ABHD5: variants seen among roughly 807,000 people sequenced by gnomAD.
ABHD5 encodes the protein abhydrolase domain containing 5, lysophosphatidic acid acyltransferase.
Under a neutral mutation model 44.9 loss-of-function variants are expected in ABHD5, and 30 were observed. The ratio of observed to expected loss-of-function variants is 0.67; its 90% CI spans 0.50 to 0.91. The LOEUF (loss-of-function observed/expected upper bound fraction) is 0.91, where lower values mean the gene tolerates loss of function less well. Ranked by LOEUF, ABHD5 falls within the 40% of genes least tolerant of loss-of-function variation. The probability of loss-of-function intolerance (pLI) is 0.00; values close to 1 mark genes in which losing one functional copy is unlikely to be tolerated. For missense variants in ABHD5, 399 were observed against 423.4 expected (o/e 0.94, Z 0.50); for synonymous variants, 167 against 147.0 (o/e 1.14, Z -0.99).
chr3:43,690,951 G>T lies in ABHD5; in HGVS notation c.-42G>T. 6.5e-7 allele frequency: 1 copy of T among 1,547,530 alleles called. No homozygotes were observed. On this transcript the variant is annotated 5_prime_UTR_variant, in exon 1 of 7. Transcript: ENST00000644371. Reference sequence around the variant, plus strand: ...CCGGGGCGGCCCAGTCGGCCTGTCAGCCGGCTTCGAGATAAGTCCCGGCGC... The same window carrying T: ...CCGGGGCGGCCCAGTCGGCCTGTCATCCGGCTTCGAGATAAGTCCCGGCGC...
chr3:43,730,939 C>T (rs2084908948), intron 7 of ABHD5, among the ~76,000 whole-genome samples: 1 of 152,180 alleles, frequency 6.6e-6, no homozygotes, highest in South Asian at 2.1e-4. Flanking sequence ...AGCAATTCTC[C>T]TGCCTTAGCC....
chr3:43,706,107 G>T (rs1212453088), intron 3 of ABHD5, among the ~76,000 whole-genome samples: 2 of 152,174 alleles, frequency 1.3e-5, no homozygotes, highest in Non-Finnish European at 2.9e-5. Flanking sequence ...AGATGGGGTG[G>T]TTGTCAGGGT....
intron 3 of ABHD5, among the ~76,000 whole-genome samples, chr3:43,708,898 G>A (rs1012635108): frequency 4.6e-5 from 7 of 151,942 alleles, no homozygotes; most frequent in Non-Finnish European, 8.8e-5. Context: ...TTTTGTGGCC[G>A]GTATTCAATG....
rs1575608056 is a variant in ABHD5, at chr3:43,719,219, C to G, written c.*687C>G. ...ATAACAACATAACTCCTTGGAACCT[C>G]CTATGTGTGGTATAATTCTACTCTT... On this transcript the variant is annotated 3_prime_UTR_variant, in exon 7 of 7. Coordinates refer to ENST00000644371, the MANE Select transcript of ABHD5 (RefSeq NM_016006.6). 1 of 152,342 alleles carries G rather than the reference C, an allele frequency of 6.6e-6. No individual in the cohort carries two copies. The highest frequency in any genetic ancestry group is 1.9e-4 in the East Asian group (1 of 5,208). 9.4% of individuals were successfully genotyped at this position (152,342 alleles called of 1,614,324 possible). A position where few individuals can be genotyped will look rare whatever the true frequency, so the allele number is the denominator to read the frequency against.
chr3:43,717,831 C>A lies in ABHD5; in HGVS notation c.934C>A (p.Arg312=), dbSNP rs761087968. The change falls in exon 6 of 7, where the codon CGA becomes AGA. Residue 312 remains arginine (R), a synonymous_variant. Transcript: ENST00000644371. ...TTCTGGCACCAGCATCCAGTCCTTA[C>A]GACCACATTCATATGTGAAGACAAT... ...GNSGTSIQSL[R]PHSYVKTIAI... is the part of the protein sequence containing the mutation. The A allele has an allele frequency of 6.2e-7, 1 of 1,614,224 alleles. No individual in the cohort carries two copies. The highest frequency in any genetic ancestry group is 8.5e-7 in the Non-Finnish European group (1 of 1,180,042).
chr3:43,693,621 T>C (rs1268117478), intron 1 of ABHD5, among the ~76,000 whole-genome samples: 1 of 152,146 alleles, frequency 6.6e-6, no homozygotes, highest in African/African-American at 2.4e-5. Flanking sequence ...CTTGGGTCCT[T>C]TTTGGTGTTT....
chr3:43,714,584 T>C lies in ABHD5; in HGVS notation c.662-363T>C, dbSNP rs535118997. On this transcript the variant is annotated intron_variant, in intron 4 of 6. Transcript: ENST00000644371. ...ACTTCATTTAGAAGTTAATGTGTTA[T>C]AATTATGGAAGAAATACAAGTTATT... is the stretch of plus-strand genomic sequence containing the variant. Among the ~76,000 whole-genome samples, 7 of 152,242 alleles carry C rather than the reference T, an allele frequency of 4.6e-5. No homozygotes were observed. In the South Asian group the frequency reaches 1.4e-3, roughly 32 times the overall value.
intron 4 of ABHD5, among the ~76,000 whole-genome samples, chr3:43,713,266 C>T (rs933265616): frequency 2.1e-5 from 3 of 142,352 alleles, no homozygotes; most frequent in Non-Finnish European, 4.5e-5. Context: ...GAGGTTGTGG[C>T]GAGCCAAGAT....
chr3:43,695,868 G>A (rs1235137692), intron 1 of ABHD5, among the ~76,000 whole-genome samples: 2 of 152,144 alleles, frequency 1.3e-5, no homozygotes, highest in Admixed American at 1.3e-4. Context: ...ATCTTACTTG[G>A]CTTTCCTTAG....
intron 3 of ABHD5, among the ~76,000 whole-genome samples, chr3:43,705,691 C>CT (rs2084609799): frequency 6.6e-6 from 1 of 152,178 alleles, no homozygotes; most frequent in Non-Finnish European, 1.5e-5. Context: ...TTCTCCCTAG[C>CT]TTTTTTCCTT....
At chr3:43,717,640 A>G (rs1288037749) in intron 5 of ABHD5, 31 bp from the exon 6 acceptor site, 2 of 1,612,464 alleles carry the variant, frequency 1.2e-6, no homozygotes, top group South Asian at 1.1e-5. Flanking sequence ...CCCAAAAATC[A>G]TACATCGTGA....
At chr3:43,698,278 A>C (rs553947904) in intron 1 of ABHD5, among the ~76,000 whole-genome samples, 1 of 152,258 alleles carries the variant, frequency 6.6e-6, no homozygotes, top group Non-Finnish European at 1.5e-5. Context: ...CTTTGACTAC[A>C]TCTTCTTGTC....
chr3:43,713,014 A>G (rs575859165), intron 4 of ABHD5, among the ~76,000 whole-genome samples: 68 of 152,140 alleles, frequency 4.5e-4, no homozygotes, highest in Non-Finnish European at 9.4e-4. Flanking sequence ...CCTAATTGAT[A>G]CTATAGAAAA....
rs372841031 is a variant in ABHD5 at position 43,691,044 on chromosome 3, G to A, written c.47+5G>A. The A allele has an allele frequency of 2.0e-5, 31 of 1,553,398 alleles. No homozygotes were observed. Among genetic ancestry groups the A allele is most frequent in the South Asian group, 1.4e-4 (12 of 85,240 alleles). On this transcript the variant is annotated splice_donor_5th_base_variant and intron_variant, in intron 1 of 6. Transcript: ENST00000644371. ...CTCTGCCGACACCGGAGAGAGGTAA[G>A]CGCAGCCGGCAGGGGGCTTCGTGTG... is the stretch of plus-strand genomic sequence containing the variant.
At chr3:43,731,497 G>A (rs1020846409) in intron 7 of ABHD5, among the ~76,000 whole-genome samples, 23 of 152,246 alleles carry the variant, frequency 1.5e-4, no homozygotes, top group African/African-American at 5.3e-4. Context: ...AATTTTGGGG[G>A]CCCAATGCAT....
chr3:43,713,449 A>G (rs1377628091), intron 4 of ABHD5, among the ~76,000 whole-genome samples: 1 of 152,024 alleles, frequency 6.6e-6, no homozygotes. Context: ...GGTGACTGTA[A>G]ATGCTGTTCC....
At chr3:43,716,051 A>T (rs1294000267) in intron 5 of ABHD5, among the ~76,000 whole-genome samples, 3 of 152,158 alleles carry the variant, frequency 2.0e-5, no homozygotes. Context: ...TAGCAGAGGG[A>T]GCAAGAGGGC....
intron 4 of ABHD5, among the ~76,000 whole-genome samples, chr3:43,714,440 G>C (rs1180826004): frequency 1.3e-5 from 2 of 152,016 alleles, no homozygotes; most frequent in Non-Finnish European, 2.9e-5. Context: ...GGTGTCCTCG[G>C]CTTTTTCTAG....
chr3:43,703,442 G>T (rs1306187835), intron 3 of ABHD5, among the ~76,000 whole-genome samples: 1 of 152,068 alleles, frequency 6.6e-6, no homozygotes, highest in Non-Finnish European at 1.5e-5. Flanking sequence ...GCCTCCCAAA[G>T]TGCTGGGATG....
Sources: allele counts gnomAD v4.1 joint callset (sites outside exome capture counted in the v4.1 genomes callset), GRCh38; gene constraint gnomAD v4.1.1; transcripts MANE v1.5; gene names NCBI Gene and HGNC (gene_info 2026-07-23, HGNC 2026-07-21).